Variants in INTS3 observed in about 807,000 individuals in gnomAD.
INTS3 encodes integrator complex subunit 3, also known as SOSS complex subunit A.
In INTS3, 34 loss-of-function variants were observed where a neutral mutation model predicts 146.3. The ratio of observed to expected loss-of-function variants is 0.23; its 90% CI spans 0.18 to 0.31. The LOEUF is 0.31. INTS3 is among the 10% of genes least tolerant of loss of function. INTS3 has a pLI of 1.00. For missense variants in INTS3, 757 were observed against 1,304.2 expected, an observed-to-expected ratio of 0.58 and a Z score of 6.46; for synonymous variants, 475 against 494.9, an observed-to-expected ratio of 0.96 and a Z score of 0.53.
At chr1:153,746,425 C>A (rs7539710) in intron 3 of INTS3, among the ~76,000 whole-genome samples, 1 of 151,668 alleles carries the variant, frequency 6.6e-6, no homozygotes, top group Non-Finnish European at 1.5e-5. Flanking sequence ...AGTTTCGCTC[C>A]GTCGCCCAGG....
intron 14 of INTS3, 89 bp from the exon 15 acceptor site, chr1:153,762,639 C>T: frequency 6.7e-7 from 1 of 1,491,402 alleles, no homozygotes; most frequent in South Asian, 1.2e-5. Flanking sequence ...TATTCTCTCA[C>T]TTGCCCTCCA....
chr1:153,772,586 C>G lies in INTS3; in HGVS notation c.2822-53C>G, dbSNP rs772546730. The G allele has an allele frequency of 6.2e-7, 1 of 1,613,400 alleles. No individual in the cohort carries two copies. The highest frequency in any genetic ancestry group is 8.5e-7 in the Non-Finnish European group (1 of 1,179,626). ...CAACCTGTGCGTGCTGTTTAATAAG[C>G]TCCCAGACATCTGATTGTTTTTCCT... is the stretch of plus-strand genomic sequence containing the variant. On this transcript the variant is annotated intron_variant, in intron 27 of 29. Coordinates refer to ENST00000318967, the MANE Select transcript of INTS3 (RefSeq NM_023015.5). This position sits in a 1 kb window ranked among gnomAD's most constrained non-coding sequence, Gnocchi z 4.6.
intron 17 of INTS3, 34 bp from the exon 18 acceptor site, chr1:153,764,084 G>A: frequency 1.9e-6 from 3 of 1,547,560 alleles, no homozygotes; most frequent in Non-Finnish European, 2.7e-6. Context: ...TTGGGTGTAG[G>A]TAGTGACTCT....
At chr1:153,769,349 C>T (rs938074124) in intron 22 of INTS3, among the ~76,000 whole-genome samples, 14 of 152,240 alleles carry the variant, frequency 9.2e-5, no homozygotes, top group Non-Finnish European at 1.8e-4. Flanking sequence ...TAGCTTTGCT[C>T]GGGTCCTTCT....
In INTS3 at chr1:153,760,354, A is replaced by C. The variant is rs1293908941; in HGVS notation, c.1281A>C (p.Pro427=). The C allele has an allele frequency of 3.7e-6, 6 of 1,612,986 alleles. No homozygotes were observed. Among genetic ancestry groups the C allele is most frequent in the East Asian group, 2.2e-5 (1 of 44,856 alleles). ...TGCACCACTCCATGAAGCCCCACCC[A>C]GCCATCACTGCCACACTCCTGGACT... ...LVMHHSMKPH[P]AITATLLDFM... is the part of the protein sequence containing the mutation. The change falls in exon 12 of 30, where the codon CCA becomes CCC. Residue 427 remains proline (P), a synonymous_variant. Coordinates refer to ENST00000318967, the MANE Select transcript of INTS3 (RefSeq NM_023015.5).
At chr1:153,750,208 C>T (rs1671905813) in intron 6 of INTS3, among the ~76,000 whole-genome samples, 2 of 152,224 alleles carry the variant, frequency 1.3e-5, no homozygotes, top group South Asian at 4.1e-4. Context: ...ATCTCATCTT[C>T]CTGCAGTTCC....
intron 3 of INTS3, among the ~76,000 whole-genome samples, chr1:153,745,402 A>C (rs6687602): frequency 1.3e-5 from 2 of 151,458 alleles, no homozygotes; most frequent in Non-Finnish European, 2.9e-5. Context: ...GATGATCCAC[A>C]CGCCTCGGCC....
In INTS3 at chr1:153,746,668, T is replaced by C. The variant is rs571192967; in HGVS notation, c.319-289T>C. 6.6e-5 allele frequency among the ~76,000 whole-genome samples: 10 copies of C among 151,672 alleles called. No homozygotes were observed. In the South Asian group the frequency reaches 2.1e-3, roughly 32 times the overall value. On this transcript the variant is annotated intron_variant, in intron 3 of 29. Coordinates refer to ENST00000318967, the MANE Select transcript of INTS3 (RefSeq NM_023015.5). ...CACCCGCCTTGGCCTCCCAAAGTGC[T>C]GGGATTACAGGCGTGAGCCACTGCA...
At chr1:153,748,643 T>C in intron 5 of INTS3, 46 bp from the exon 6 acceptor site, 1 of 1,502,690 alleles carries the variant, frequency 6.7e-7, no homozygotes, top group Non-Finnish European at 9.3e-7. Context: ...TTGGATTGGC[T>C]GACTTGCTAA....
intron 20 of INTS3, chr1:153,766,752 C>T (rs963169896): frequency 4.1e-5 from 6 of 145,274 alleles, no homozygotes; most frequent in South Asian, 2.2e-4. Flanking sequence ...TGCAGTGGCG[C>T]GAGCTCCACT....
intron 9 of INTS3, among the ~76,000 whole-genome samples, chr1:153,755,228 TTTGA>T (rs1401452354): frequency 6.6e-6 from 1 of 152,114 alleles, no homozygotes; most frequent in Non-Finnish European, 1.5e-5. Flanking sequence ...TCCTAGATAA[TTTGA>T]TTGAGGAATT....
intron 17 of INTS3, 72 bp from the exon 18 acceptor site, chr1:153,764,034 CAGATGAGTTCCA>C: frequency 7.6e-7 from 1 of 1,312,442 alleles, no homozygotes; most frequent in Non-Finnish European, 1.1e-6. Flanking sequence ...GAGGTGGAAG[CAGATGAGTTCCA>C]AGACTGGGAT....
chr1:153,733,961 GT>G (rs1201053277), intron 1 of INTS3, among the ~76,000 whole-genome samples: 3 of 152,144 alleles, frequency 2.0e-5, no homozygotes, highest in Admixed American at 2.0e-4. Context: ...AAATGGAAAG[GT>G]TAGAGGGGTT....
intron 8 of INTS3, among the ~76,000 whole-genome samples, chr1:153,753,377 T>G (rs1468131225): frequency 6.6e-6 from 1 of 151,784 alleles, no homozygotes; most frequent in African/African-American, 2.4e-5. Flanking sequence ...GGCAACATGA[T>G]GAAACCCTGT....
intron 14 of INTS3, 124 bp downstream of exon 14, chr1:153,761,800 G>T: frequency 1.7e-6 from 1 of 575,594 alleles, no homozygotes; most frequent in East Asian, 3.0e-5. Flanking sequence ...GTCCATCACA[G>T]TTTTTCCTTC....
intron 1 of INTS3, among the ~76,000 whole-genome samples, chr1:153,731,579 CT>C (rs71093282): frequency 3.8e-4 from 49 of 129,804 alleles, no homozygotes; most frequent in Middle Eastern, 3.9e-3. Context: ...AGAGCGTCCT[CT>C]TTTTTTTTTT....
chr1:153,739,174 C>T (rs2101785089), intron 1 of INTS3, among the ~76,000 whole-genome samples: 1 of 152,318 alleles, frequency 6.6e-6, no homozygotes, highest in African/African-American at 2.4e-5. Context: ...AGTGATTCTC[C>T]TGCCTCAGGC....
chr1:153,732,703 C>T (rs1671123318), intron 1 of INTS3, among the ~76,000 whole-genome samples: 1 of 152,046 alleles, frequency 6.6e-6, no homozygotes, highest in South Asian at 2.1e-4. Flanking sequence ...CTGCCTCGGC[C>T]TCCGAAAGTG....
chr1:153,766,566 T>C (rs1422763485), intron 20 of INTS3: 2 of 152,012 alleles, frequency 1.3e-5, no homozygotes, highest in African/African-American at 2.4e-5. Context: ...CTCAAAGTAC[T>C]AGGATTATAG....
Sources: gnomAD v4.1 joint callset for allele counts (sites outside exome capture counted in the v4.1 genomes callset) on GRCh38, gnomAD v4.1.1 for gene constraint, Gnocchi (gnomAD v3.1) non-coding constraint, MANE v1.5 for transcripts, NCBI Gene and HGNC (gene_info 2026-07-23, HGNC 2026-07-21) for gene names.